The following DNAH17 variants were observed in gnomAD, a reference collection of about 807,000 sequenced individuals.
DNAH17 encodes dynein axonemal heavy chain 17, also known as axonemal beta dynein heavy chain 17.
In DNAH17, 376 loss-of-function variants were observed where a neutral mutation model predicts 485.6. The ratio of observed to expected loss-of-function variants is 0.77; its 90% CI spans 0.71 to 0.84. The LOEUF (loss-of-function observed/expected upper bound fraction) is 0.84. Ranked by LOEUF, DNAH17 falls within the 40% of genes least tolerant of loss-of-function variation. The pLI is 0.00. For synonymous variants in DNAH17, 3,031 were observed against 2,405.9 expected (o/e 1.26, Z -7.60); for missense variants, 6,370 against 5,839.3 (o/e 1.09, Z -2.96).
intron 25 of DNAH17, among the ~76,000 whole-genome samples, chr17:78,523,578 T>A (rs2090988884): frequency 6.6e-6 from 1 of 152,170 alleles, no homozygotes; most frequent in Admixed American, 6.5e-5. Flanking sequence ...AAGACATGAA[T>A]ATGCAGTTCA....
At chr17:78,498,336 G>C (rs1003314533) in intron 37 of DNAH17, among the ~76,000 whole-genome samples, 1 of 152,154 alleles carries the variant, frequency 6.6e-6, no homozygotes, top group African/African-American at 2.4e-5. Flanking sequence ...TTTTGGAAGA[G>C]CACAATTGTC....
chr17:78,484,418 C>A (rs1215247490), intron 48 of DNAH17, among the ~76,000 whole-genome samples: 1 of 152,136 alleles, frequency 6.6e-6, no homozygotes, highest in Non-Finnish European at 1.5e-5. Context: ...CAGCTGTGCA[C>A]CATCTCCCCA....
intron 11 of DNAH17, among the ~76,000 whole-genome samples, chr17:78,564,241 C>G (rs532519518): frequency 2.6e-5 from 4 of 152,188 alleles, no homozygotes; most frequent in Admixed American, 6.5e-5. Flanking sequence ...AGCCCAGACC[C>G]GTACGCTGGT....
Position 78,529,640 on chromosome 17 carries a change from G to C in DNAH17, c.3339C>G (p.Pro1113=), listed in dbSNP as rs1266538920. ...MKVARMGLTK[P]LKEGDYDGLV... ...GCCCATCATAGTCCCCCTCCTTGAG[G>C]GGCTTGGTCAAGCCCATTCTGGCGA... The change falls in exon 22 of 81, where the codon CCC becomes CCG. Residue 1113 remains proline (P), a synonymous_variant. Transcript: ENST00000389840. 1 of 1,613,816 alleles carries C rather than the reference G, an allele frequency of 6.2e-7. No homozygotes were observed. Among genetic ancestry groups the C allele is most frequent in the South Asian group, 1.1e-5 (1 of 91,084 alleles).
At chr17:78,523,923 A>C (rs2090997345) in intron 25 of DNAH17, among the ~76,000 whole-genome samples, 1 of 152,264 alleles carries the variant, frequency 6.6e-6, no homozygotes, top group Admixed American at 6.5e-5. Flanking sequence ...ATAAATAAAA[A>C]TACTTTTTAA....
At chr17:78,510,568 C>T (rs549283188) in intron 26 of DNAH17, 62 bp from the exon 27 acceptor site, 45 of 1,590,410 alleles carry the variant, frequency 2.8e-5, no homozygotes, top group Admixed American at 1.0e-4. Context: ...AGTGGGCAGA[C>T]GTCATGATCC....
At chr17:78,454,261 C>A (rs1253224733) in intron 64 of DNAH17, among the ~76,000 whole-genome samples, 1 of 152,204 alleles carries the variant, frequency 6.6e-6, no homozygotes, top group Non-Finnish European at 1.5e-5. Flanking sequence ...CCTTTCCCTG[C>A]AGGAGCAGCA....
At chr17:78,478,707 T>A (rs947157516) in intron 51 of DNAH17, among the ~76,000 whole-genome samples, 7 of 137,430 alleles carry the variant, frequency 5.1e-5, no homozygotes, top group African/African-American at 2.3e-4. Flanking sequence ...ATCATTACCA[T>A]CACCACCACT....
chr17:78,481,442 T>A (rs2089347176), intron 48 of DNAH17, among the ~76,000 whole-genome samples: 1 of 152,286 alleles, frequency 6.6e-6, no homozygotes, highest in African/African-American at 2.4e-5. Context: ...TGTGACTTCA[T>A]GCTCTCCAGA....
At chr17:78,508,808 A>T (rs764405471) in intron 27 of DNAH17, among the ~76,000 whole-genome samples, 6 of 152,026 alleles carry the variant, frequency 3.9e-5, no homozygotes, top group Non-Finnish European at 5.9e-5. Flanking sequence ...TTATTTTTTT[A>T]AAAATTATAA....
chr17:78,452,604 G>A (rs1439309594), intron 65 of DNAH17, among the ~76,000 whole-genome samples: 1 of 152,178 alleles, frequency 6.6e-6, no homozygotes, highest in Non-Finnish European at 1.5e-5. Context: ...TGGGCACGTT[G>A]GTGTGTTCCT....
In DNAH17 at chr17:78,571,819, GAC is replaced by G. The variant is rs912843969; in HGVS notation, c.540-39_540-38del. On this transcript the variant is annotated intron_variant, in intron 3 of 80. Transcript: ENST00000389840. ...AAGGTTGGGGCATTGCTCTCATGGC[GAC>G]ACACACGTGGGTCCCACCAAGCTCT... 3.3e-6 allele frequency: 5 copies of G among 1,536,158 alleles called. No individual in the cohort carries two copies. The African/African-American group carries it at 4.1e-5, about 13-fold the overall frequency.
rs771208644 is a variant in DNAH17 at position 78,543,749 on chromosome 17, A to G, written c.2532+108T>C. 2.6e-6 allele frequency: 4 copies of G among 1,529,226 alleles called. No individual in the cohort carries two copies. In the African/African-American group the frequency reaches 4.1e-5, roughly 16 times the overall value. 94.7% of individuals were successfully genotyped at this position (1,529,226 alleles called of 1,614,324 possible). The stretch of plus-strand genomic sequence containing the variant: ...CAGGTCACAGACTTCTATGACTACA[A>G]GAAATGTGTCACTAATCATTTTTAT... On this transcript the variant is annotated intron_variant, in intron 17 of 80. Coordinates refer to ENST00000389840, the MANE Select transcript of DNAH17 (RefSeq NM_173628.4).
chr17:78,574,211 C>T (rs1037109177), intron 2 of DNAH17, among the ~76,000 whole-genome samples: 10 of 152,124 alleles, frequency 6.6e-5, no homozygotes, highest in African/African-American at 1.7e-4. Flanking sequence ...GGTCTGTGGC[C>T]GGGCATGATG....
At position 78,459,967 on chromosome 17, in the gene DNAH17, G is replaced by A. The variant is rs147033823; in HGVS notation, c.9470C>T (p.Pro3157Leu). The part of the protein sequence containing the change: ...NLTELKSFGS[P>L]PDAVVNVTAA... The stretch of plus-strand genomic sequence containing the variant: ...GGTGACGTTGACCACAGCATCCGGC[G>A]GGGACCCAAAGGACTTCAGCTCTGT... Residue 3157 changes from proline to leucine, a missense_variant, in exon 60 of 81, where the codon CCG (proline) becomes CTG (leucine). Pro to Leu is a moderately conservative substitution (Grantham distance 98, BLOSUM62 -3). Coordinates refer to ENST00000389840, the MANE Select transcript of DNAH17 (RefSeq NM_173628.4). 1.9e-5 allele frequency: 31 copies of A among 1,613,190 alleles called. No homozygotes were observed. Among genetic ancestry groups the A allele is most frequent in the South Asian group, 1.4e-4 (13 of 91,070 alleles).
chr17:78,518,697 C>A (rs762238120), intron 25 of DNAH17, among the ~76,000 whole-genome samples: 1 of 152,176 alleles, frequency 6.6e-6, no homozygotes, highest in African/African-American at 2.4e-5. Context: ...GCAGAATACG[C>A]ATTCTGTTCA....
At chr17:78,560,019 C>T (rs1413311480) in intron 13 of DNAH17, among the ~76,000 whole-genome samples, 1 of 152,110 alleles carries the variant, frequency 6.6e-6, no homozygotes, top group Non-Finnish European at 1.5e-5. Flanking sequence ...CTTAACCTGC[C>T]CTTCCTGCTC....
intron 20 of DNAH17, among the ~76,000 whole-genome samples, chr17:78,531,159 G>A (rs2091225496): frequency 6.6e-6 from 1 of 152,170 alleles, no homozygotes; most frequent in Non-Finnish European, 1.5e-5. Flanking sequence ...AACCCTAACT[G>A]TTACTGTACT....
chr17:78,576,821 C>T (rs1598759484), intron 1 of DNAH17, among the ~76,000 whole-genome samples: 2 of 152,222 alleles, frequency 1.3e-5, no homozygotes, highest in Non-Finnish European at 2.9e-5. Context: ...GCTGAGGGGC[C>T]CCTACACCCC....
Sources: gnomAD v4.1 joint callset for allele counts (sites outside exome capture counted in the v4.1 genomes callset) on GRCh38, gnomAD v4.1.1 for gene constraint, MANE v1.5 for transcripts, NCBI Gene and HGNC (gene_info 2026-07-23, HGNC 2026-07-21) for gene names.